The following TNFSF4 variants were observed in gnomAD, a reference collection of about 807,000 sequenced individuals.
The protein encoded by TNFSF4 is TNF superfamily member 4, also known as tumor necrosis factor ligand superfamily member 4.
TNFSF4 carries 4 observed loss-of-function variants against 7.3 expected under a neutral mutation model. The observed-to-expected ratio is 0.55, with a 90% CI of 0.27 to 1.25. TNFSF4 has a LOEUF of 1.25. Among genes scored for constraint, TNFSF4 ranks in the 50% most tolerant of loss-of-function variants. TNFSF4 has a pLI of 0.12. For synonymous variants in TNFSF4, 76 were observed against 83.7 expected (o/e 0.91, Z 0.50); for missense variants, 181 against 208.8 (o/e 0.87, Z 0.82).
chr1:173,224,209 A>G, the TNFSF4 span, among the ~76,000 whole-genome samples: 1 of 152,254 alleles, frequency 6.6e-6, no homozygotes, highest in Non-Finnish European at 1.5e-5. Context: ...CCATTGCCCT[A>G]TTCCATGCAC....
chr1:173,296,591 G>C, the TNFSF4 span, among the ~76,000 whole-genome samples: 1 of 151,894 alleles, frequency 6.6e-6, no homozygotes, highest in Non-Finnish European at 1.5e-5. Flanking sequence ...GCTGCAAAGG[G>C]GGTTGAGTGA....
chr1:173,204,148 A>G (rs1032503837), intron 1 of TNFSF4, among the ~76,000 whole-genome samples: 11 of 152,242 alleles, frequency 7.2e-5, no homozygotes, highest in Admixed American at 2.0e-4. Context: ...AGGAGCCAGG[A>G]AATCCATAAG....
the TNFSF4 span, among the ~76,000 whole-genome samples, chr1:173,425,030 T>C: frequency 6.6e-6 from 1 of 152,260 alleles, no homozygotes; most frequent in African/African-American, 2.4e-5. Flanking sequence ...CAATGACTCC[T>C]AGCCTTTCCT....
At chr1:173,211,755 G>T (rs987713544), upstream of TNFSF4, among the ~76,000 whole-genome samples, 1 of 152,190 alleles carries the variant, frequency 6.6e-6, no homozygotes, top group Non-Finnish European at 1.5e-5. Context: ...AAGAAATTCT[G>T]TTCAGAGAAT....
chr1:173,189,068 C>T (rs1484903333), intron 1 of TNFSF4, among the ~76,000 whole-genome samples: 1 of 152,074 alleles, frequency 6.6e-6, no homozygotes, highest in African/African-American at 2.4e-5. Flanking sequence ...CCACCTTCCC[C>T]CTTGCTTTTC....
chr1:173,314,978 C>G, the TNFSF4 span, among the ~76,000 whole-genome samples: 1 of 152,052 alleles, frequency 6.6e-6, no homozygotes, highest in Non-Finnish European at 1.5e-5. Context: ...TGAGGCAACA[C>G]AGTGGAAACT....
the TNFSF4 span, among the ~76,000 whole-genome samples, chr1:173,316,515 T>TAGTTTATGTGTTAAAA: frequency 6.6e-6 from 1 of 152,110 alleles, no homozygotes; most frequent in East Asian, 1.9e-4. Context: ...TGAAGTAACT[T>TAGTTTATGTGTTAAAA]CCTGCCAAAC....
chr1:173,202,857 C>T (rs947497681), intron 1 of TNFSF4, among the ~76,000 whole-genome samples: 21 of 152,108 alleles, frequency 1.4e-4, no homozygotes, highest in African/African-American at 3.9e-4. Context: ...AATTCCCATC[C>T]GCTTGTCTGC....
the TNFSF4 span, among the ~76,000 whole-genome samples, chr1:173,425,997 GA>G: frequency 6.6e-6 from 1 of 152,220 alleles, no homozygotes; most frequent in African/African-American, 2.4e-5. Flanking sequence ...ATTAACTGGA[GA>G]AAAGGCATAT....
the TNFSF4 span, among the ~76,000 whole-genome samples, chr1:173,270,858 A>G: frequency 6.6e-6 from 1 of 152,164 alleles, no homozygotes; most frequent in Non-Finnish European, 1.5e-5. Context: ...TGACCAATGC[A>G]GTAGAACCAA....
chr1:173,445,710 C>T, the TNFSF4 span, among the ~76,000 whole-genome samples: 40 of 152,158 alleles, frequency 2.6e-4, no homozygotes, highest in East Asian at 5.0e-3. Flanking sequence ...AAAAGAACCC[C>T]GGTCTATTGA....
the TNFSF4 span, chr1:173,440,552 T>C: frequency 2.0e-5 from 3 of 152,232 alleles, no homozygotes; most frequent in South Asian, 6.2e-4. Flanking sequence ...TAGAAAACTA[T>C]ATTATCTGAC....
At chr1:173,203,538 CCT>C (rs1238985658) in intron 1 of TNFSF4, among the ~76,000 whole-genome samples, 2 of 152,044 alleles carry the variant, frequency 1.3e-5, no homozygotes, top group Non-Finnish European at 2.9e-5. Flanking sequence ...CAGGCAAACT[CCT>C]CTTTCTCTTA....
chr1:173,377,216 T>C, the TNFSF4 span, among the ~76,000 whole-genome samples: 807 of 152,292 alleles, frequency 5.3e-3, 6 homozygotes, highest in African/African-American at 0.017. Flanking sequence ...GTGAGTACCA[T>C]TGGACCCCTT....
At chr1:173,423,722 T>G in the TNFSF4 span, among the ~76,000 whole-genome samples, 1 of 152,224 alleles carries the variant, frequency 6.6e-6, no homozygotes, top group African/African-American at 2.4e-5. Context: ...GGAAGCAAAG[T>G]GAACCAAAAC....
At chr1:173,324,072 A>G in the TNFSF4 span, among the ~76,000 whole-genome samples, 2 of 152,336 alleles carry the variant, frequency 1.3e-5, no homozygotes, top group African/African-American at 4.8e-5. Context: ...GGATTCACCA[A>G]AGTTGAAATG....
the TNFSF4 span, among the ~76,000 whole-genome samples, chr1:173,251,424 T>C: frequency 6.9e-3 from 1,051 of 152,334 alleles, 10 homozygotes; most frequent in African/African-American, 0.024. Context: ...TTGTTCATTA[T>C]TGAACCCCCA....
At position 173,186,026 on chromosome 1, in the gene TNFSF4, C is replaced by A. The variant is rs1571181183; in HGVS notation, c.*490G>T. 6.5e-6 allele frequency: 1 copy of A among 153,586 alleles called. No homozygotes were observed. Among genetic ancestry groups the A allele is most frequent in the Non-Finnish European group, 1.4e-5 (1 of 68,986 alleles). 9.5% of individuals were successfully genotyped at this position (153,586 alleles called of 1,614,324 possible). On this transcript the variant is annotated 3_prime_UTR_variant, in exon 3 of 3. Transcript: ENST00000281834. ...TGCAATCAATTTAACCTTGGAGAGG[C>A]CGCTTTGGCTTCCAGGGGTTGGTTC...
the TNFSF4 span, among the ~76,000 whole-genome samples, chr1:173,403,688 G>A: frequency 0.096 from 14,642 of 152,206 alleles, 829 homozygotes; most frequent in East Asian, 0.28. Flanking sequence ...TGGATCACGA[G>A]GTCAGGAGTT....
Sources: gnomAD v4.1 joint callset for allele counts (sites outside exome capture counted in the v4.1 genomes callset) on GRCh38, gnomAD v4.1.1 for gene constraint, MANE v1.5 for transcripts, NCBI Gene and HGNC (gene_info 2026-07-23, HGNC 2026-07-21) for gene names.